Variants in FAM3D observed in about 807,000 individuals in gnomAD.
FAM3D encodes the protein protein FAM3D.
Under a neutral mutation model 29.8 loss-of-function variants are expected in FAM3D, and 26 were observed. The observed-to-expected ratio is 0.87, with a 90% CI of 0.64 to 1.21. FAM3D has a LOEUF of 1.21. Among genes scored for constraint, FAM3D ranks in the 50% most tolerant of loss-of-function variants. The probability of loss-of-function intolerance (pLI) is 0.00; values close to 1 mark genes in which losing one functional copy is unlikely to be tolerated. For missense variants in FAM3D, 253 were observed against 290.9 expected (o/e 0.87, Z 0.95); for synonymous variants, 115 against 102.3 (o/e 1.12, Z -0.75).
Position 58,634,990 on chromosome 3 carries a change from A to G in FAM3D, c.586-622T>C, listed in dbSNP as rs1372984948. Reference sequence around the variant, plus strand: ...CAGGAGTTCAAGACCAGCCTGGGCAACATGGGAGACCCTGTCTCTAGAAAA... The same window carrying G: ...CAGGAGTTCAAGACCAGCCTGGGCAGCATGGGAGACCCTGTCTCTAGAAAA... On this transcript the variant is annotated intron_variant, in intron 9 of 9. Coordinates refer to ENST00000358781, the MANE Select transcript of FAM3D (RefSeq NM_138805.3). The surrounding 1 kb of genome is among the most constrained non-coding windows in gnomAD (Gnocchi z 4.6). Among the ~76,000 whole-genome samples, 2 of 152,186 alleles carry G rather than the reference A, an allele frequency of 1.3e-5. No homozygotes were observed. The highest frequency in any genetic ancestry group is 1.5e-5 in the Non-Finnish European group (1 of 68,040).
chr3:58,655,515 C>G, intron 2 of FAM3D, 36 bp downstream of exon 2: 3 of 1,612,914 alleles, frequency 1.9e-6, no homozygotes, highest in Non-Finnish European at 2.5e-6. Flanking sequence ...ACACAGCTGA[C>G]AGAAAAATGA....
chr3:58,644,135 G>A (rs548263467), intron 5 of FAM3D, among the ~76,000 whole-genome samples: 38 of 152,274 alleles, frequency 2.5e-4, no homozygotes, highest in African/African-American at 4.8e-4. Flanking sequence ...CTGGATGTGC[G>A]GTGGGAGAAT....
At chr3:58,661,831 C>T (rs1289213939) in intron 1 of FAM3D, among the ~76,000 whole-genome samples, 1 of 152,226 alleles carries the variant, frequency 6.6e-6, no homozygotes, top group African/African-American at 2.4e-5. Context: ...CTTGCCCTCT[C>T]CCTTGGAGAT....
intron 4 of FAM3D, among the ~76,000 whole-genome samples, chr3:58,648,536 C>A (rs2066540461): frequency 6.6e-6 from 1 of 152,088 alleles, no homozygotes. Flanking sequence ...GTTTCCTTAC[C>A]TATAAAAGGG....
chr3:58,651,311 T>C (rs568867796), intron 3 of FAM3D, among the ~76,000 whole-genome samples: 1 of 152,318 alleles, frequency 6.6e-6, no homozygotes, highest in South Asian at 2.1e-4. Context: ...CATTAAATAA[T>C]AAAATGAGGG....
intron 6 of FAM3D, 50 bp from the exon 7 acceptor site, chr3:58,640,227 C>A (rs1218487691): frequency 1.3e-6 from 2 of 1,597,330 alleles, no homozygotes; most frequent in Non-Finnish European, 1.7e-6. Context: ...TGTCATTCTG[C>A]CTGTCGTTCT....
intron 8 of FAM3D, among the ~76,000 whole-genome samples, chr3:58,636,696 A>C (rs2066181203): frequency 6.6e-6 from 1 of 152,256 alleles, no homozygotes; most frequent in Non-Finnish European, 1.5e-5. Context: ...GGAAGATCAC[A>C]AAGAAGTAAC....
chr3:58,651,827 T>A (rs1356235502), intron 3 of FAM3D, among the ~76,000 whole-genome samples: 1 of 3,434 alleles, frequency 2.9e-4, no homozygotes, highest in Non-Finnish European at 5.0e-4. Flanking sequence ...CGATCCTGGG[T>A]GGGGGTGGGG....
intron 1 of FAM3D, among the ~76,000 whole-genome samples, chr3:58,665,338 G>T (rs376975140): frequency 1.3e-5 from 2 of 151,616 alleles, no homozygotes; most frequent in East Asian, 3.9e-4. Context: ...CTTTCCTCCT[G>T]TTCCCCCTTC....
chr3:58,660,938 G>A (rs568208696), intron 1 of FAM3D, among the ~76,000 whole-genome samples: 1 of 152,266 alleles, frequency 6.6e-6, no homozygotes, highest in South Asian at 2.1e-4. Context: ...AAACCCAGGC[G>A]ATATGTGTCA....
At chr3:58,654,580 G>C (rs2066735222) in intron 2 of FAM3D, among the ~76,000 whole-genome samples, 1 of 152,186 alleles carries the variant, frequency 6.6e-6, no homozygotes, top group Non-Finnish European at 1.5e-5. Flanking sequence ...CCGGAAAGCA[G>C]GCTCCATTTC....
In FAM3D at chr3:58,634,627, C is replaced by G. The variant is rs1207886523; in HGVS notation, c.586-259G>C. Among the ~76,000 whole-genome samples, 1 of 152,174 alleles carries G rather than the reference C, an allele frequency of 6.6e-6. No individual in the cohort carries two copies. Among genetic ancestry groups the G allele is most frequent in the Non-Finnish European group, 1.5e-5 (1 of 68,016 alleles). On this transcript the variant is annotated intron_variant, in intron 9 of 9. Transcript: ENST00000358781. This position sits in a 1 kb window ranked among gnomAD's most constrained non-coding sequence, Gnocchi z 4.6. ...GATCTGGCCCCTCCCCACAAATTCT[C>G]TGTGTCCCTCTAGGATACCTCAAAT...
chr3:58,641,399 A>C (rs2066330563), intron 6 of FAM3D, among the ~76,000 whole-genome samples: 1 of 151,284 alleles, frequency 6.6e-6, no homozygotes, highest in East Asian at 1.9e-4. Flanking sequence ...GTCTCTCTGC[A>C]GTCCAGGCTG....
rs750714054 is a variant in FAM3D, at chr3:58,640,183, G to A, written c.323-6C>T. 1 of 1,614,140 alleles carries A rather than the reference G, an allele frequency of 6.2e-7. No homozygotes were observed. The highest frequency in any genetic ancestry group is 8.5e-7 in the Non-Finnish European group (1 of 1,180,016). ...CAGCACAGCTCCCGTGGTTCCTAGGGGTTAAGAGGAGAACGATTATCCCCT... is the reference window on the plus strand; with the variant it reads ...CAGCACAGCTCCCGTGGTTCCTAGGAGTTAAGAGGAGAACGATTATCCCCT... On this transcript the variant is annotated splice_region_variant and splice_polypyrimidine_tract_variant and intron_variant, in intron 6 of 9. Transcript: ENST00000358781.
chr3:58,659,292 C>A (rs2066887200), intron 1 of FAM3D, among the ~76,000 whole-genome samples: 2 of 152,210 alleles, frequency 1.3e-5, no homozygotes, highest in Non-Finnish European at 2.9e-5. Context: ...TCTGCAGACC[C>A]AAAATGCCAT....
At chr3:58,655,426 G>T in intron 2 of FAM3D, 125 bp downstream of exon 2, 3 of 1,274,446 alleles carry the variant, frequency 2.4e-6, no homozygotes, top group Non-Finnish European at 3.3e-6. Flanking sequence ...GCCTCCCCTG[G>T]ATTGCTTTCC....
intron 1 of FAM3D, among the ~76,000 whole-genome samples, chr3:58,656,072 C>T (rs1197752715): frequency 6.7e-6 from 1 of 148,738 alleles, no homozygotes; most frequent in Admixed American, 6.7e-5. Context: ...TCTATTTAGC[C>T]CTCCTTCCCT....
At chr3:58,650,529 T>C (rs2066606673) in intron 3 of FAM3D, among the ~76,000 whole-genome samples, 1 of 151,968 alleles carries the variant, frequency 6.6e-6, no homozygotes, top group Non-Finnish European at 1.5e-5. Flanking sequence ...GGCCCTAATC[T>C]GTTGAGGTCA....
At chr3:58,665,277 C>T (rs1420873403) in intron 1 of FAM3D, among the ~76,000 whole-genome samples, 1 of 151,980 alleles carries the variant, frequency 6.6e-6, no homozygotes, top group Non-Finnish European at 1.5e-5. Context: ...CTTCACCTTC[C>T]ACCACCAGCT....
Sources: allele counts gnomAD v4.1 joint callset (sites outside exome capture counted in the v4.1 genomes callset), GRCh38; gene constraint gnomAD v4.1.1; non-coding constraint Gnocchi (gnomAD v3.1); transcripts MANE v1.5; gene names NCBI Gene and HGNC (gene_info 2026-07-23, HGNC 2026-07-21).